The following SLC22A16 variants were observed in gnomAD, a reference collection of about 807,000 sequenced individuals.
The protein encoded by SLC22A16 is solute carrier family 22 member 16.
SLC22A16 carries 53 observed loss-of-function variants against 52.9 expected under a neutral mutation model. The observed-to-expected ratio is 1.00, with a 90% CI of 0.80 to 1.26. The LOEUF is 1.26. Among genes scored for constraint, SLC22A16 ranks in the 50% most tolerant of loss-of-function variants. SLC22A16 has a pLI of 0.00. For missense variants in SLC22A16, 726 were observed against 704.0 expected, an observed-to-expected ratio of 1.03 and a Z score of -0.35; for synonymous variants, 291 against 268.8, an observed-to-expected ratio of 1.08 and a Z score of -0.81.
intron 2 of SLC22A16, among the ~76,000 whole-genome samples, chr6:110,454,073 C>T (rs1188267589): frequency 6.6e-6 from 1 of 152,168 alleles, no homozygotes; most frequent in Non-Finnish European, 1.5e-5. Context: ...GCCCCCATGG[C>T]CCAAACACCT....
In SLC22A16 at chr6:110,442,273, C is replaced by T. The variant is rs747988898; in HGVS notation, c.1154G>A (p.Gly385Asp). 6.2e-7 allele frequency: 1 copy of T among 1,614,068 alleles called. No individual in the cohort carries two copies. The highest frequency in any genetic ancestry group is 8.5e-7 in the Non-Finnish European group (1 of 1,180,004). Residue 385 changes from glycine to aspartate, a missense_variant, in exon 4 of 8, where the codon GGC becomes GAC. By Grantham distance (94) the Gly-to-Asp change is moderately conservative (BLOSUM62 -1). Transcript: ENST00000368919. ...SFSLNSVNLG[G>D]NEYLNLFLLG... The stretch of plus-strand genomic sequence containing the variant: ...GAGGAAGAGGTTTAAGTATTCATTG[C>T]CTCCTAAGTTAACAGAATTCAAGGA...
At chr6:110,428,147 A>G (rs547196009) in intron 7 of SLC22A16, among the ~76,000 whole-genome samples, 2 of 152,244 alleles carry the variant, frequency 1.3e-5, no homozygotes, top group African/African-American at 2.4e-5. Flanking sequence ...AAAAGAGAAA[A>G]TATAAACATC....
chr6:110,429,429 A>T (rs984935333), intron 7 of SLC22A16, among the ~76,000 whole-genome samples: 75 of 152,370 alleles, frequency 4.9e-4, no homozygotes, highest in African/African-American at 1.8e-3. Context: ...ACTCCAGGGG[A>T]TACCAAGCAC....
intron 3 of SLC22A16, 93 bp downstream of exon 3, chr6:110,446,780 C>T (rs1029695389): frequency 1.3e-5 from 14 of 1,077,824 alleles, no homozygotes; most frequent in African/African-American, 1.3e-4. Context: ...TCCTTGATCT[C>T]GCTCACTAGA....
chr6:110,469,549 AAAAT>A (rs1001560252), intron 1 of SLC22A16, among the ~76,000 whole-genome samples: 1 of 152,244 alleles, frequency 6.6e-6, no homozygotes, highest in African/African-American at 2.4e-5. Context: ...CCCTGTCTCA[AAAAT>A]AAATAAATAC....
rs148113781 is a variant in SLC22A16, at chr6:110,434,709, G to T, written c.1421+1143C>A. Among the ~76,000 whole-genome samples, 607 of 152,302 alleles carry T rather than the reference G, an allele frequency of 4.0e-3. 10 individuals carry two copies. The highest frequency in any genetic ancestry group is 0.014 in the African/African-American group (586 of 41,544). On this transcript the variant is annotated intron_variant, in intron 6 of 7. Coordinates refer to ENST00000368919, the MANE Select transcript of SLC22A16 (RefSeq NM_033125.4). ...AAATCCCGAGTCTCGGCTAGGCGTG[G>T]TGGCTCATGCCTGTAATCCCAACAC...
chr6:110,473,536 T>A (rs868014952), intron 1 of SLC22A16, among the ~76,000 whole-genome samples: 39 of 76,268 alleles, frequency 5.1e-4, no homozygotes, highest in African/African-American at 2.5e-3. Context: ...TTTTTTTTTT[T>A]TTTTTTGAGA....
chr6:110,450,611 C>CAAA (rs35567505), intron 2 of SLC22A16, among the ~76,000 whole-genome samples: 2,385 of 48,464 alleles, frequency 0.049, 193 homozygotes, highest in East Asian at 0.15. Flanking sequence ...GACATCTTCT[C>CAAA]AAAAAAAAAA....
At chr6:110,471,100 C>T (rs937425244) in intron 1 of SLC22A16, among the ~76,000 whole-genome samples, 4 of 152,170 alleles carry the variant, frequency 2.6e-5, no homozygotes, top group Admixed American at 6.5e-5. Flanking sequence ...CACAAAACGA[C>T]GTTTCGGTCA....
At chr6:110,475,475 A>G (rs1776429759) in intron 1 of SLC22A16, among the ~76,000 whole-genome samples, 2 of 152,226 alleles carry the variant, frequency 1.3e-5, no homozygotes. Context: ...GAAGAAGGGA[A>G]CAGCTGGGGC....
intron 2 of SLC22A16, chr6:110,453,806 T>C: frequency 2.3e-6 from 1 of 427,680 alleles, no homozygotes; most frequent in South Asian, 1.7e-5. Flanking sequence ...ATTTAGCTCA[T>C]AGTTCTGCAG....
In SLC22A16 at chr6:110,448,242, T is replaced by C. The variant is rs930075874; in HGVS notation, c.534-1252A>G. On this transcript the variant is annotated intron_variant, in intron 2 of 7. Transcript: ENST00000368919. ...GTGGTTTTTATTTACAATTCCCTAATGATTAATGATGTTGAGCATCTTTTC... is the reference window on the plus strand; with the variant it reads ...GTGGTTTTTATTTACAATTCCCTAACGATTAATGATGTTGAGCATCTTTTC... Among the ~76,000 whole-genome samples the C allele has an allele frequency of 4.6e-5, 7 of 152,250 alleles. No individual in the cohort carries two copies. In the East Asian group the frequency reaches 7.7e-4, roughly 17 times the overall value.
At chr6:110,446,510 T>C (rs967117021) in intron 3 of SLC22A16, among the ~76,000 whole-genome samples, 3 of 152,174 alleles carry the variant, frequency 2.0e-5, no homozygotes, top group African/African-American at 7.2e-5. Flanking sequence ...TCATTCTTCC[T>C]GTACATTATA....
intron 3 of SLC22A16, among the ~76,000 whole-genome samples, chr6:110,445,665 C>T (rs141954701): frequency 6.2e-4 from 94 of 152,244 alleles, no homozygotes; most frequent in African/African-American, 2.1e-3. Context: ...GTATAGAAGC[C>T]AACGCGTGGT....
chr6:110,425,038 C>T lies in SLC22A16; in HGVS notation c.1569G>A (p.Lys523=), dbSNP rs778463541. 5 of 1,614,018 alleles carry T rather than the reference C, an allele frequency of 3.1e-6. No individual in the cohort carries two copies. ...MALLSGVLTL[K]LPETLGKRLA... is the part of the protein sequence containing the mutation. ...GCCGTTTCCCAAGGGTTTCTGGAAG[C>T]TTTAGTGTTAACACTCCACTCAGGA... is the stretch of plus-strand genomic sequence containing the variant. Residue 523 remains lysine (K), a synonymous_variant, in exon 8 of 8, where the codon AAG becomes AAA. Coordinates refer to ENST00000368919, the MANE Select transcript of SLC22A16 (RefSeq NM_033125.4).
At chr6:110,438,959 G>A (rs759459031) in intron 4 of SLC22A16, 112 bp from the exon 5 acceptor site, 21 of 1,347,248 alleles carry the variant, frequency 1.6e-5, no homozygotes, top group Non-Finnish European at 1.9e-5. Flanking sequence ...CTCACTTCTG[G>A]GGCCTTTAGA....
In SLC22A16 at chr6:110,435,975, A is replaced by T. The variant is rs1397299675; in HGVS notation, c.1312-14T>A. On this transcript the variant is annotated splice_polypyrimidine_tract_variant and intron_variant, in intron 5 of 7. Transcript: ENST00000368919. ...AATATAATGTTTCTGAAAAAAATTT[A>T]GCAGAATAGATCATCACAAGTGGTA... is the stretch of plus-strand genomic sequence containing the variant. 2 of 1,527,122 alleles carry T rather than the reference A, an allele frequency of 1.3e-6. No individual in the cohort carries two copies. Among genetic ancestry groups the T allele is most frequent in the Non-Finnish European group, 9.1e-7 (1 of 1,102,020 alleles). 94.6% of individuals were successfully genotyped at this position (1,527,122 alleles called of 1,614,324 possible).
At position 110,450,611 on chromosome 6, in the gene SLC22A16, CAAAAAAAAAAAAA is replaced by C. The variant is rs35567505; in HGVS notation, c.534-3634_534-3622del. Among the ~76,000 whole-genome samples, 4 of 48,734 alleles carry C rather than the reference CAAAAAAAAAAAAA, an allele frequency of 8.2e-5. 1 individual carries two copies. Among genetic ancestry groups the C allele is most frequent in the Non-Finnish European group, 8.4e-5 (2 of 23,950 alleles). 32.0% of individuals were successfully genotyped at this position (48,734 alleles called of 152,430 possible). A position where few individuals can be genotyped will look rare whatever the true frequency, so the allele number is the denominator to read the frequency against. ...TGGGCAACAGAGCTAGACATCTTCT[CAAAAAAAAAAAAA>C]AAAAAAAAAAAGCATTTACTACATT... On this transcript the variant is annotated intron_variant, in intron 2 of 7. Coordinates refer to ENST00000368919, the MANE Select transcript of SLC22A16 (RefSeq NM_033125.4).
intron 6 of SLC22A16, among the ~76,000 whole-genome samples, chr6:110,431,679 C>T (rs73764907): frequency 0.049 from 7,457 of 152,214 alleles, 599 homozygotes; most frequent in African/African-American, 0.17. Flanking sequence ...TTTCTCAAAA[C>T]GGTGCCCATC....
Sources: gnomAD v4.1 joint callset for allele counts (sites outside exome capture counted in the v4.1 genomes callset) on GRCh38, gnomAD v4.1.1 for gene constraint, MANE v1.5 for transcripts, NCBI Gene and HGNC (gene_info 2026-07-23, HGNC 2026-07-21) for gene names.